The following CCDC30 variants were observed in gnomAD, a reference collection of about 807,000 sequenced individuals.
The protein encoded by CCDC30 is coiled-coil domain-containing protein 30.
CCDC30 carries 70 observed loss-of-function variants against 100.2 expected under a neutral mutation model. The ratio of observed to expected loss-of-function variants is 0.70; its 90% CI spans 0.58 to 0.85. The LOEUF is 0.85. Among genes scored for constraint, CCDC30 ranks in the 40% least tolerant of loss-of-function variants. The probability of loss-of-function intolerance (pLI) is 0.00; values close to 1 mark genes in which losing one functional copy is unlikely to be tolerated. For synonymous variants in CCDC30, 233 were observed against 269.5 expected (o/e 0.86, Z 1.33); for missense variants, 652 against 771.2 (o/e 0.85, Z 1.83).
At chr1:42,636,802 C>T (rs1159675056) in intron 11 of CCDC30, among the ~76,000 whole-genome samples, 1 of 151,586 alleles carries the variant, frequency 6.6e-6, no homozygotes, top group Non-Finnish European at 1.5e-5. Flanking sequence ...CTTGTCTCTA[C>T]TAAAAATACA....
At chr1:42,577,490 A>G (rs1645864393) in intron 8 of CCDC30, among the ~76,000 whole-genome samples, 1 of 152,160 alleles carries the variant, frequency 6.6e-6, no homozygotes, top group Non-Finnish European at 1.5e-5. Context: ...GACTGATCCC[A>G]TGTGGCCTTT....
At chr1:42,486,180 T>A (rs1289378054) in intron 3 of CCDC30, among the ~76,000 whole-genome samples, 1 of 152,232 alleles carries the variant, frequency 6.6e-6, no homozygotes, top group African/African-American at 2.4e-5. Context: ...TAAATGTTCA[T>A]AACAATATTA....
chr1:42,465,843 T>C (rs1336441686), intron 1 of CCDC30, among the ~76,000 whole-genome samples: 1 of 152,186 alleles, frequency 6.6e-6, no homozygotes, highest in Non-Finnish European at 1.5e-5. Context: ...CCACAACAGC[T>C]CAGAATGTCA....
upstream of CCDC30, chr1:42,460,460 A>G (rs773744524): frequency 1.2e-6 from 1 of 821,780 alleles, no homozygotes; most frequent in Non-Finnish European, 1.5e-6. Context: ...AGTAGGAAAG[A>G]AGGATACCTC....
downstream of CCDC30, chr1:42,654,325 G>A (rs1486746767): frequency 3.7e-6 from 1 of 271,322 alleles, no homozygotes; most frequent in Non-Finnish European, 6.9e-6. Flanking sequence ...ATTATCATGG[G>A]TATCTTTTCT....
chr1:42,636,171 G>A (rs2148676254), intron 11 of CCDC30, among the ~76,000 whole-genome samples: 2 of 152,246 alleles, frequency 1.3e-5, no homozygotes, highest in Middle Eastern at 6.8e-3. Flanking sequence ...TGTAATCCCA[G>A]CACTTTGGGA....
chr1:42,543,288 T>TTC (rs1553192102), intron 6 of CCDC30, among the ~76,000 whole-genome samples: 18 of 150,906 alleles, frequency 1.2e-4, no homozygotes, highest in African/African-American at 3.6e-4. Context: ...TTTTTTTTTT[T>TTC]CCCCTCCTTC....
At chr1:42,473,763 G>C (rs995731486) in intron 1 of CCDC30, among the ~76,000 whole-genome samples, 4 of 152,110 alleles carry the variant, frequency 2.6e-5, no homozygotes, top group Admixed American at 2.6e-4. Flanking sequence ...ATGTATTTTT[G>C]GTGGCTGATG....
chr1:42,566,286 T>G lies in CCDC30; in HGVS notation c.457-10T>G. 6.2e-7 allele frequency: 1 copy of G among 1,603,996 alleles called. No individual in the cohort carries two copies. The highest frequency in any genetic ancestry group is 8.5e-7 in the Non-Finnish European group (1 of 1,173,224). On this transcript the variant is annotated splice_polypyrimidine_tract_variant and intron_variant, in intron 6 of 16. Coordinates refer to ENST00000668663, the Ensembl canonical transcript of CCDC30. The stretch of plus-strand genomic sequence containing the variant: ...TTGTCTGTGTTTCTCTTTTAAAATG[T>G]TTGCTTTAGCATCCATCATCTGGAG...
At chr1:42,497,247 A>T in intron 5 of CCDC30, 34 bp downstream of exon 5, 1 of 1,144,010 alleles carries the variant, frequency 8.7e-7, no homozygotes, top group Non-Finnish European at 1.1e-6. Context: ...ACGTATTTAA[A>T]TGTGTCTACC....
the CCDC30 span, chr1:42,456,549 CG>C: frequency 6.9e-7 from 1 of 1,452,134 alleles, no homozygotes; most frequent in African/African-American, 1.4e-5. Context: ...GCGCAGGCGC[CG>C]GCCGCTGCGC....
At chr1:42,630,012 T>C (rs1475057674) in intron 11 of CCDC30, among the ~76,000 whole-genome samples, 1 of 146,094 alleles carries the variant, frequency 6.8e-6, no homozygotes, top group African/African-American at 2.6e-5. Context: ...TCTGGCTCTG[T>C]TGCCCATGCT....
chr1:42,629,621 C>G (rs1023858553), intron 11 of CCDC30, among the ~76,000 whole-genome samples: 7 of 151,532 alleles, frequency 4.6e-5, no homozygotes, highest in African/African-American at 1.7e-4. Context: ...ACTCCTATTT[C>G]TTTTTCTTTT....
intron 6 of CCDC30, among the ~76,000 whole-genome samples, chr1:42,554,202 T>C (rs1007625811): frequency 2.0e-5 from 3 of 152,076 alleles, no homozygotes; most frequent in African/African-American, 7.2e-5. Flanking sequence ...TCTTTTTTCT[T>C]CTTATGGATT....
chr1:42,580,855 C>T (rs1349577579), intron 8 of CCDC30: 1 of 456,230 alleles, frequency 2.2e-6, no homozygotes, highest in Non-Finnish European at 4.4e-6. Flanking sequence ...TCTAGCCACA[C>T]TGTGGAGAAA....
At chr1:42,505,254 A>G (rs1423551082) in intron 6 of CCDC30, among the ~76,000 whole-genome samples, 2 of 152,158 alleles carry the variant, frequency 1.3e-5, no homozygotes, top group South Asian at 2.1e-4. Flanking sequence ...CTTTTATTAC[A>G]TGGCAGGATT....
At chr1:42,471,946 TG>T (rs762215568) in intron 1 of CCDC30, among the ~76,000 whole-genome samples, 35 of 152,340 alleles carry the variant, frequency 2.3e-4, no homozygotes, top group Non-Finnish European at 4.9e-4. Flanking sequence ...CAATTATGTC[TG>T]TCACTGCAAT....
intron 6 of CCDC30, among the ~76,000 whole-genome samples, chr1:42,539,797 T>C (rs934934733): frequency 1.4e-4 from 21 of 152,072 alleles, no homozygotes; most frequent in African/African-American, 5.1e-4. Flanking sequence ...AGTTTAAAAA[T>C]GGCTTCCAGG....
intron 7 of CCDC30, among the ~76,000 whole-genome samples, chr1:42,568,315 A>G (rs564410891): frequency 6.6e-6 from 1 of 152,056 alleles, no homozygotes; most frequent in Non-Finnish European, 1.5e-5. Context: ...GGGTTTCACC[A>G]TGTTGGCCAG....
Sources: gnomAD v4.1 joint callset for allele counts (sites outside exome capture counted in the v4.1 genomes callset) on GRCh38, gnomAD v4.1.1 for gene constraint, MANE v1.5 for transcripts, NCBI Gene and HGNC (gene_info 2026-07-23, HGNC 2026-07-21) for gene names.